The following ZSCAN1 variants were observed in gnomAD, a reference collection of about 807,000 sequenced individuals.
ZSCAN1 encodes zinc finger and SCAN domain containing 1, also known as zinc finger and SCAN domain-containing protein 1.
ZSCAN1 carries 23 observed loss-of-function variants against 23.8 expected under a neutral mutation model. The observed-to-expected ratio is 0.97, with a 90% CI of 0.70 to 1.37. ZSCAN1 has a LOEUF of 1.37. Among genes scored for constraint, ZSCAN1 ranks in the 40% most tolerant of loss-of-function variants. The probability of loss-of-function intolerance (pLI) is 0.00; values close to 1 mark genes in which losing one functional copy is unlikely to be tolerated. For missense variants in ZSCAN1, 575 were observed against 554.0 expected, an observed-to-expected ratio of 1.04 and a Z score of -0.38; for synonymous variants, 236 against 232.3, an observed-to-expected ratio of 1.02 and a Z score of -0.15.
intron 4 of ZSCAN1, chr19:58,044,662 C>A: frequency 1.2e-6 from 1 of 867,174 alleles, no homozygotes. Flanking sequence ...GGGTCACCGC[C>A]CCGCGGGGTA....
At position 58,045,050 on chromosome 19, in the gene ZSCAN1, G is replaced by T; in HGVS notation, c.465+4506G>T. 1 of 1,118,930 alleles carries T rather than the reference G, an allele frequency of 8.9e-7. No individual in the cohort carries two copies. Among genetic ancestry groups the T allele is most frequent in the Non-Finnish European group, 1.4e-6 (1 of 733,038 alleles). 69.3% of individuals were successfully genotyped at this position (1,118,930 alleles called of 1,614,324 possible). Reference sequence around the variant, plus strand: ...ATGGTGGTGAAGTCCCGGGGGCAGAGAGGGTGCTGGGCGAGCTGAGGCACT... The same window carrying T: ...ATGGTGGTGAAGTCCCGGGGGCAGATAGGGTGCTGGGCGAGCTGAGGCACT... On this transcript the variant is annotated intron_variant, in intron 4 of 5. Coordinates refer to ENST00000282326, the MANE Select transcript of ZSCAN1 (RefSeq NM_182572.4). The surrounding 1 kb of genome is among the most constrained non-coding windows in gnomAD (Gnocchi z 4.3).
chr19:58,038,068 C>T lies in ZSCAN1; in HGVS notation c.232C>T (p.Leu78=). ...RPEARSKEQM[L]ELLVLEQFLG... ...CGAGGCGCGCTCCAAGGAGCAGATG[C>T]TGGAGCTGCTGGTGCTGGAGCAGTT... The change falls in exon 3 of 6, where the codon CTG becomes TTG. Residue 78 remains leucine, a synonymous_variant. Coordinates refer to ENST00000282326, the MANE Select transcript of ZSCAN1 (RefSeq NM_182572.4). 6.2e-7 allele frequency: 1 copy of T among 1,611,832 alleles called. No homozygotes were observed. The highest frequency in any genetic ancestry group is 8.5e-7 in the Non-Finnish European group (1 of 1,179,828).
intron 2 of ZSCAN1, among the ~76,000 whole-genome samples, chr19:58,037,174 G>C (rs1012751101): frequency 3.3e-4 from 50 of 152,058 alleles, no homozygotes; most frequent in Non-Finnish European, 1.0e-4. Context: ...AGCCCACCTG[G>C]CTGCTTCCAT....
At chr19:58,034,411 G>C (rs2073717969) in intron 1 of ZSCAN1, among the ~76,000 whole-genome samples, 2 of 151,778 alleles carry the variant, frequency 1.3e-5, no homozygotes, top group Non-Finnish European at 2.9e-5. Flanking sequence ...GCGGGGACTG[G>C]GGGGGCTGGG....
Position 58,040,482 on chromosome 19 carries a change from G to A in ZSCAN1, c.403G>A (p.Asp135Asn), listed in dbSNP as rs2073779802. The A allele has an allele frequency of 2.5e-6, 4 of 1,613,618 alleles. 1 individual carries two copies. Among genetic ancestry groups the A allele is most frequent in the Middle Eastern group, 3.3e-4 (2 of 6,062 alleles). Residue 135 changes from aspartate (D) to asparagine (N), a missense_variant, in exon 4 of 6, where the codon GAC becomes AAC. Transcript: ENST00000282326. This position sits in a 1 kb window ranked among gnomAD's most constrained non-coding sequence, Gnocchi z 5.8. ...ATCTCTGGACTCGGTCGAACCCCAGGACTGGAGTTTCGGTGAGGAGGAAGA... is the reference window on the plus strand; with the variant it reads ...ATCTCTGGACTCGGTCGAACCCCAGAACTGGAGTTTCGGTGAGGAGGAAGA... ...LVSLDSVEPQ[D>N]WSFGEEEDGK...
rs999021788 is a variant in ZSCAN1 at position 58,053,443 on chromosome 19, T to C, written c.619T>C (p.Leu207=). The C allele has an allele frequency of 6.2e-7, 1 of 1,610,650 alleles. No homozygotes were observed. Among genetic ancestry groups the C allele is most frequent in the Non-Finnish European group, 8.5e-7 (1 of 1,177,372 alleles). ...GCCCTCCACAGGGTCCCGGGCCCGC[T>C]TGCCTCTGAAGCCGAGTATCTGGGA... ...APGLLGSRAR[L]PLKPSIWDEP... The change falls in exon 6 of 6, where the codon TTG becomes CTG. Residue 207 remains leucine, a synonymous_variant. Coordinates refer to ENST00000282326, the MANE Select transcript of ZSCAN1 (RefSeq NM_182572.4). The surrounding 1 kb of genome is among the most constrained non-coding windows in gnomAD (Gnocchi z 5.8).
intron 4 of ZSCAN1, among the ~76,000 whole-genome samples, chr19:58,041,915 A>G (rs1392049836): frequency 6.6e-6 from 1 of 152,182 alleles, no homozygotes; most frequent in Non-Finnish European, 1.5e-5. Flanking sequence ...TCACGCATGT[A>G]ATCCCAGCAC....
intron 2 of ZSCAN1, among the ~76,000 whole-genome samples, chr19:58,036,472 C>T (rs1307265092): frequency 2.0e-5 from 3 of 150,972 alleles, no homozygotes; most frequent in Non-Finnish European, 2.9e-5. Context: ...TCACCATAGT[C>T]GGCTTGGAAA....
chr19:58,040,693 C>T lies in ZSCAN1; in HGVS notation c.465+149C>T, dbSNP rs2073782382. 2.8e-6 allele frequency: 2 copies of T among 716,088 alleles called. No individual in the cohort carries two copies. The highest frequency in any genetic ancestry group is 2.5e-5 in the Admixed American group (1 of 39,744). The allele number at this position is 716,088 out of a possible 1,614,324, so 44.4% of individuals were successfully genotyped here. On this transcript the variant is annotated intron_variant, in intron 4 of 5. Coordinates refer to ENST00000282326, the MANE Select transcript of ZSCAN1 (RefSeq NM_182572.4). The surrounding 1 kb of genome is among the most constrained non-coding windows in gnomAD (Gnocchi z 5.8). ...CCGGCCTCCAAACTCCCCGCCTGCC[C>T]CACAGATTCCCCAAGCTTCCTGGGG...
chr19:58,037,685 C>A, intron 2 of ZSCAN1, 43 bp from the exon 3 acceptor site: 1 of 979,442 alleles, frequency 1.0e-6, no homozygotes, highest in Non-Finnish European at 1.4e-6. Flanking sequence ...GTACAGAGGG[C>A]CACCATCTGA....
chr19:58,038,141 G>A lies in ZSCAN1; in HGVS notation c.305G>A (p.Gly102Asp), dbSNP rs1473671269. The A allele has an allele frequency of 6.2e-7, 1 of 1,609,274 alleles. No homozygotes were observed. Among genetic ancestry groups the A allele is most frequent in the Admixed American group, 1.7e-5 (1 of 59,808 alleles). ...ATGCGGACCTGGGTGCAGTCACAGG[G>A]CCCCCGAAGCTGCAGGGAGGCCGCC... ...SKMRTWVQSQ[G>D]PRSCREAASL... The change falls in exon 3 of 6, where the codon GGC becomes GAC. Residue 102 changes from glycine (G) to aspartate (D), a missense_variant. By Grantham distance (94) the Gly-to-Asp change is moderately conservative. Coordinates refer to ENST00000282326, the MANE Select transcript of ZSCAN1 (RefSeq NM_182572.4).
intron 1 of ZSCAN1, among the ~76,000 whole-genome samples, chr19:58,034,501 A>G (rs1456120809): frequency 6.6e-6 from 1 of 151,328 alleles, no homozygotes; most frequent in Non-Finnish European, 1.5e-5. Context: ...ACGTACCCCC[A>G]TTGCCCGCCC....
chr19:58,051,564 T>C lies in ZSCAN1; in HGVS notation c.466-926T>C, dbSNP rs74892807. Among the ~76,000 whole-genome samples, 1,219 of 145,918 alleles carry C rather than the reference T, an allele frequency of 8.4e-3. 12 individuals are homozygous for C. Among genetic ancestry groups the C allele is most frequent in the African/African-American group, 0.029 (1,162 of 40,178 alleles). On this transcript the variant is annotated intron_variant, in intron 4 of 5. Coordinates refer to ENST00000282326, the MANE Select transcript of ZSCAN1 (RefSeq NM_182572.4). ...ATCTTGGACAGCTTCCTTAGGCCCCTGTGCATCCAGGTAGGGTTGGGGCAG... is the reference window on the plus strand; with the variant it reads ...ATCTTGGACAGCTTCCTTAGGCCCCCGTGCATCCAGGTAGGGTTGGGGCAG...
At chr19:58,038,382 C>T in intron 3 of ZSCAN1, 176 bp downstream of exon 3, 1 of 790,222 alleles carries the variant, frequency 1.3e-6, no homozygotes, top group Non-Finnish European at 2.0e-6. Flanking sequence ...AAATGTGCTG[C>T]ACGCCTCATC....
intron 4 of ZSCAN1, among the ~76,000 whole-genome samples, chr19:58,050,263 C>T (rs2073850784): frequency 6.6e-6 from 1 of 151,664 alleles, no homozygotes; most frequent in Non-Finnish European, 1.5e-5. Context: ...GGTGAAGCCT[C>T]GTCTCTACCA....
At position 58,037,700 on chromosome 19, in the gene ZSCAN1, A is replaced by G. The variant is rs190281962; in HGVS notation, c.-109-28A>G. Reference sequence around the variant, plus strand: ...GTACAGAGGGCCACCATCTGATGTGACCCCTCTGTCCCTGCCCCTCTCTGC... The same window carrying G: ...GTACAGAGGGCCACCATCTGATGTGGCCCCTCTGTCCCTGCCCCTCTCTGC... On this transcript the variant is annotated intron_variant, in intron 2 of 5. Coordinates refer to ENST00000282326, the MANE Select transcript of ZSCAN1 (RefSeq NM_182572.4). The G allele has an allele frequency of 1.5e-3, 1,611 of 1,097,854 alleles. 10 individuals carry two copies. In the African/African-American group the frequency reaches 0.023, roughly 16 times the overall value. 68.0% of individuals were successfully genotyped at this position (1,097,854 alleles called of 1,614,324 possible). A position where few individuals can be genotyped will look rare whatever the true frequency, so the allele number is the denominator to read the frequency against.
chr19:58,035,051 C>T (rs1486526993), intron 1 of ZSCAN1, among the ~76,000 whole-genome samples: 1 of 151,964 alleles, frequency 6.6e-6, no homozygotes, highest in East Asian at 2.0e-4. Flanking sequence ...GTGCCCATGC[C>T]AGGTGAACCT....
chr19:58,039,338 T>C (rs2073766829), intron 3 of ZSCAN1, among the ~76,000 whole-genome samples: 2 of 152,228 alleles, frequency 1.3e-5, no homozygotes, highest in Non-Finnish European at 2.9e-5. Context: ...TAATGTTCCA[T>C]GGTCACTCTC....
chr19:58,054,711 C>A (rs2073880893), downstream of ZSCAN1: 1 of 152,274 alleles, frequency 6.6e-6, no homozygotes, highest in South Asian at 2.1e-4. This position sits in a 1 kb window ranked among gnomAD's most constrained non-coding sequence, Gnocchi z 4.2. Flanking sequence ...AGAAAGAGAG[C>A]CCACAGTCCT....
Sources: allele counts gnomAD v4.1 joint callset (sites outside exome capture counted in the v4.1 genomes callset), GRCh38; gene constraint gnomAD v4.1.1; non-coding constraint Gnocchi (gnomAD v3.1); transcripts MANE v1.5; gene names NCBI Gene and HGNC (gene_info 2026-07-23, HGNC 2026-07-21).